The following RPTOR variants were observed in gnomAD, a reference collection of about 807,000 sequenced individuals.
The protein encoded by RPTOR is regulatory associated protein of MTOR complex 1.
Under a neutral mutation model 169.9 loss-of-function variants are expected in RPTOR, and 21 were observed. The ratio of observed to expected loss-of-function variants is 0.12; its 90% CI spans 0.09 to 0.18. RPTOR has a LOEUF of 0.18. Ranked by LOEUF, RPTOR falls within the 10% of genes least tolerant of loss-of-function variation. The pLI, the probability that RPTOR is intolerant of heterozygous loss-of-function variation, is 1.00. For synonymous variants in RPTOR, 732 were observed against 753.2 expected (o/e 0.97, Z 0.46); for missense variants, 1,133 against 1,855.9 (o/e 0.61, Z 7.16).
At chr17:80,600,680 G>C (rs578120536) in intron 1 of RPTOR, among the ~76,000 whole-genome samples, 8 of 152,298 alleles carry the variant, frequency 5.3e-5, no homozygotes, top group African/African-American at 1.9e-4. Flanking sequence ...TCTCAGCTGG[G>C]CAGGGTTTAG....
chr17:80,907,642 C>T (rs535720846), intron 20 of RPTOR, among the ~76,000 whole-genome samples: 6 of 143,790 alleles, frequency 4.2e-5, no homozygotes, highest in Non-Finnish European at 9.6e-5. Context: ...TGCCTGCCCC[C>T]CCTTCTGGTT....
At chr17:80,868,973 A>G (rs2068022593) in intron 13 of RPTOR, among the ~76,000 whole-genome samples, 1 of 152,174 alleles carries the variant, frequency 6.6e-6, no homozygotes. Flanking sequence ...GGCAGAAGAA[A>G]ATGTCTGAGG....
chr17:80,926,286 C>G (rs1419961932), intron 24 of RPTOR, among the ~76,000 whole-genome samples: 1 of 152,212 alleles, frequency 6.6e-6, no homozygotes, highest in African/African-American at 2.4e-5. Context: ...CAGGCAGCCC[C>G]TGAGGCAGGC....
chr17:80,617,838 G>A (rs1370422190), intron 1 of RPTOR, among the ~76,000 whole-genome samples: 1 of 152,166 alleles, frequency 6.6e-6, no homozygotes, highest in Non-Finnish European at 1.5e-5. Flanking sequence ...CAAGGTAGAA[G>A]CGGTTCATTT....
chr17:80,871,920 A>ATGCAGGGTGTGTGTGTCGCCT (rs1433491587), intron 13 of RPTOR, among the ~76,000 whole-genome samples: 1 of 152,148 alleles, frequency 6.6e-6, no homozygotes, highest in African/African-American at 2.4e-5. Context: ...GAGCTTTGCC[A>ATGCAGGGTGTGTGTGTCGCCT]GTTAGGGACC....
chr17:80,764,897 T>C (rs2066771243), intron 6 of RPTOR, among the ~76,000 whole-genome samples: 1 of 152,218 alleles, frequency 6.6e-6, no homozygotes, highest in Non-Finnish European at 1.5e-5. Context: ...TTGATTTGCA[T>C]TTCTAAAGAG....
chr17:80,723,265 C>T (rs1172462095), intron 4 of RPTOR, among the ~76,000 whole-genome samples: 2 of 151,144 alleles, frequency 1.3e-5, no homozygotes, highest in South Asian at 2.1e-4. Flanking sequence ...TGCAGATATC[C>T]TGTTTCTCCT....
chr17:80,663,648 G>A (rs1050781637), intron 3 of RPTOR, among the ~76,000 whole-genome samples: 1 of 152,102 alleles, frequency 6.6e-6, no homozygotes, highest in South Asian at 2.1e-4. Flanking sequence ...TCTATTTACC[G>A]TGTGGAAAAT....
intron 3 of RPTOR, among the ~76,000 whole-genome samples, chr17:80,665,759 A>G (rs924722325): frequency 6.6e-6 from 1 of 151,878 alleles, no homozygotes; most frequent in Non-Finnish European, 1.5e-5. Context: ...GTTAGCCAGG[A>G]TGGTCTCGAT....
chr17:80,964,274 G>C lies in RPTOR; in HGVS notation c.3952G>C (p.Val1318Leu), dbSNP rs371220837. The C allele has an allele frequency of 6.2e-7, 1 of 1,606,184 alleles. No individual in the cohort carries two copies. The highest frequency in any genetic ancestry group is 8.5e-7 in the Non-Finnish European group (1 of 1,179,210). The change falls in exon 34 of 34, where the codon GTG becomes CTG. Residue 1318 changes from valine to leucine, a missense_variant. Transcript: ENST00000306801. ...TCTCTCCTTGCAGCCTCACCTGGCC[G>C]TGGGAAGCAACGACTACTACATCTC... ...AFHPHWPHLAVGSNDYYISVY... is the reference protein window; with the variant it reads ...AFHPHWPHLALGSNDYYISVY...
chr17:80,698,480 A>G (rs2066056242), intron 3 of RPTOR, among the ~76,000 whole-genome samples: 1 of 152,218 alleles, frequency 6.6e-6, no homozygotes, highest in South Asian at 2.1e-4. Flanking sequence ...GGGCCATTCC[A>G]GCCATTGATC....
At chr17:80,841,230 T>A (rs376617028) in intron 10 of RPTOR, among the ~76,000 whole-genome samples, 225 of 16,340 alleles carry the variant, frequency 0.014, 1 homozygote, top group Non-Finnish European at 0.021. Flanking sequence ...GGCAGCTCAC[T>A]CTCACCGCAC....
At chr17:80,713,298 G>T (rs770003151) in intron 4 of RPTOR, among the ~76,000 whole-genome samples, 2 of 151,946 alleles carry the variant, frequency 1.3e-5, no homozygotes, top group South Asian at 4.2e-4. Context: ...CACCTGCCTC[G>T]GCCTCCCAAA....
At chr17:80,871,840 C>G (rs1448745554) in intron 13 of RPTOR, among the ~76,000 whole-genome samples, 1 of 152,134 alleles carries the variant, frequency 6.6e-6, no homozygotes. Context: ...TTGAGCTAAC[C>G]TTCCTGCAGT....
rs112605765 is a variant in RPTOR at position 80,823,262 on chromosome 17, G to A, written c.1136+39G>A. Reference sequence around the variant, plus strand: ...GATCCTCCAGGTGCCGTGCTCCCCCGCCCTCCGTGGCACTGTGATGTCATG... The same window carrying A: ...GATCCTCCAGGTGCCGTGCTCCCCCACCCTCCGTGGCACTGTGATGTCATG... On this transcript the variant is annotated intron_variant, in intron 9 of 33. Coordinates refer to ENST00000306801, the MANE Select transcript of RPTOR (RefSeq NM_020761.3). This position sits in a 1 kb window ranked among gnomAD's most constrained non-coding sequence, Gnocchi z 4.5. 2,670 of 1,604,312 alleles carry A rather than the reference G, an allele frequency of 1.7e-3. 42 individuals are homozygous for A. In the African/African-American group the frequency reaches 0.032, roughly 19 times the overall value.
intron 18 of RPTOR, 71 bp from the exon 19 acceptor site, chr17:80,892,658 C>CTGAG: frequency 6.4e-7 from 1 of 1,551,502 alleles, no homozygotes; most frequent in Non-Finnish European, 8.8e-7. Context: ...GTCCCAGCTG[C>CTGAG]TGAGTGTCAG....
chr17:80,923,354 T>A (rs1050141555), intron 22 of RPTOR, 136 bp from the exon 23 acceptor site: 2 of 908,702 alleles, frequency 2.2e-6, no homozygotes, highest in Non-Finnish European at 3.5e-6. Flanking sequence ...CATGATGGCA[T>A]GCTGGGTGAC....
chr17:80,821,037 C>A (rs1313964143), intron 7 of RPTOR, among the ~76,000 whole-genome samples: 2 of 152,248 alleles, frequency 1.3e-5, no homozygotes, highest in African/African-American at 4.8e-5. Context: ...CTTTTTCTTG[C>A]CCTATCACTG....
chr17:80,634,393 G>C (rs1394544095), intron 2 of RPTOR, among the ~76,000 whole-genome samples: 2 of 124,466 alleles, frequency 1.6e-5, no homozygotes, highest in Admixed American at 1.6e-4. Context: ...TACTGTGTGC[G>C]TGTGCATACC....
Sources: allele counts gnomAD v4.1 joint callset (sites outside exome capture counted in the v4.1 genomes callset), GRCh38; gene constraint gnomAD v4.1.1; non-coding constraint Gnocchi (gnomAD v3.1); transcripts MANE v1.5; gene names NCBI Gene and HGNC (gene_info 2026-07-23, HGNC 2026-07-21).